RBFOX1: variants seen among roughly 807,000 people sequenced by gnomAD.
RBFOX1 encodes the protein RNA binding protein fox-1 homolog 1.
A neutral mutation model predicts 57.7 loss-of-function variants in RBFOX1; 8 were observed. That is an observed-to-expected ratio of 0.14 (90% CI 0.08 to 0.25). The LOEUF (loss-of-function observed/expected upper bound fraction) is 0.25. Ranked by LOEUF, RBFOX1 falls within the 10% of genes least tolerant of loss-of-function variation. The pLI, the probability that RBFOX1 is intolerant of heterozygous loss-of-function variation, is 1.00. For synonymous variants in RBFOX1, 326 were observed against 222.4 expected (o/e 1.47, Z -4.15); for missense variants, 611 against 548.5 (o/e 1.11, Z -1.14).
At chr16:7,356,041 C>G (rs1054424695) in intron 4 of RBFOX1, among the ~76,000 whole-genome samples, 1 of 152,326 alleles carries the variant, frequency 6.6e-6, no homozygotes, top group African/African-American at 2.4e-5. Flanking sequence ...CAAGCTCCAA[C>G]GAGTTCTCTC....
intron 2 of RBFOX1, among the ~76,000 whole-genome samples, chr16:6,598,407 A>G (rs1207171805): frequency 6.6e-6 from 1 of 152,224 alleles, no homozygotes. Context: ...ATTGGCCAGT[A>G]CAAAGTAAAA....
intron 1 of RBFOX1, among the ~76,000 whole-genome samples, chr16:6,158,227 T>A (rs7185450): frequency 6.6e-6 from 1 of 152,100 alleles, no homozygotes; most frequent in East Asian, 1.9e-4. Flanking sequence ...CGGCGGGGCC[T>A]TGGACTTGTC....
chr16:5,671,592 G>T (rs1276040682), intron 3 of RBFOX1, among the ~76,000 whole-genome samples: 2 of 152,144 alleles, frequency 1.3e-5, no homozygotes, highest in Non-Finnish European at 2.9e-5. Flanking sequence ...AGCATTTAGT[G>T]GTAATTATAA....
chr16:7,393,679 A>C (rs2098086355), intron 4 of RBFOX1, among the ~76,000 whole-genome samples: 1 of 152,090 alleles, frequency 6.6e-6, no homozygotes, highest in Non-Finnish European at 1.5e-5. Flanking sequence ...TCATTGTGCC[A>C]AGGATTATTT....
intron 4 of RBFOX1, among the ~76,000 whole-genome samples, chr16:7,084,603 A>C (rs1266476783): frequency 6.6e-6 from 1 of 152,160 alleles, no homozygotes; most frequent in Non-Finnish European, 1.5e-5. Context: ...TGAGAGGTAT[A>C]AAGGATTTCA....
At position 5,405,963 on chromosome 16, in the gene RBFOX1, G is replaced by A. The variant is rs144119591; in HGVS notation, c.220-61253G>A. 3.9e-5 allele frequency among the ~76,000 whole-genome samples: 6 copies of A among 152,280 alleles called. No homozygotes were observed. In the East Asian group the frequency reaches 1.2e-3, roughly 29 times the overall value. ...GGGAAGAGAGAACATCGGGGACAGG[G>A]AAGCATGTCTGGACTTGTCTCTCTC... On this transcript the variant is annotated intron_variant, in intron 1 of 2. Transcript: ENST00000585867.
At chr16:5,333,790 A>C (rs772535575) in intron 1 of RBFOX1, among the ~76,000 whole-genome samples, 1 of 152,200 alleles carries the variant, frequency 6.6e-6, no homozygotes, top group African/African-American at 2.4e-5. Flanking sequence ...ACAGCATGTT[A>C]TTTTACTGAA....
intron 3 of RBFOX1, among the ~76,000 whole-genome samples, chr16:6,887,909 G>A (rs141563947): frequency 0.016 from 2,417 of 152,098 alleles, 46 homozygotes; most frequent in African/African-American, 0.054. Context: ...TGATCCACCC[G>A]TCATGGCCTC....
At chr16:6,218,257 A>C (rs2097348881) in intron 1 of RBFOX1, among the ~76,000 whole-genome samples, 1 of 151,590 alleles carries the variant, frequency 6.6e-6, no homozygotes, top group Non-Finnish European at 1.5e-5. Context: ...CTAAGACTAT[A>C]AACAGGACTA....
intron 3 of RBFOX1, among the ~76,000 whole-genome samples, chr16:6,947,616 T>C (rs1322407840): frequency 1.3e-5 from 2 of 152,224 alleles, no homozygotes; most frequent in African/African-American, 4.8e-5. Flanking sequence ...GAAGGAAAAC[T>C]GTTCCTGGTT....
chr16:7,110,350 G>C (rs1208559487), intron 4 of RBFOX1, among the ~76,000 whole-genome samples: 1 of 151,908 alleles, frequency 6.6e-6, no homozygotes, highest in Non-Finnish European at 1.5e-5. Flanking sequence ...GACAGAGCAA[G>C]ATCCTGACTC....
At chr16:5,471,355 C>T (rs909321175) in intron 2 of RBFOX1, among the ~76,000 whole-genome samples, 40 of 152,248 alleles carry the variant, frequency 2.6e-4, no homozygotes, top group African/African-American at 9.1e-4. Context: ...TTTAACTGGC[C>T]TTGCATTTCT....
At chr16:5,346,584 G>A (rs2065144898) in intron 1 of RBFOX1, among the ~76,000 whole-genome samples, 1 of 152,196 alleles carries the variant, frequency 6.6e-6, no homozygotes, top group Non-Finnish European at 1.5e-5. Flanking sequence ...TCTTGGATTT[G>A]TCATTTGCTT....
chr16:6,702,099 A>G (rs2061943797), intron 3 of RBFOX1, among the ~76,000 whole-genome samples: 1 of 152,150 alleles, frequency 6.6e-6, no homozygotes, highest in African/African-American at 2.4e-5. Context: ...TCTAAAATAA[A>G]AGTTTAAAAA....
intron 1 of RBFOX1, among the ~76,000 whole-genome samples, chr16:6,199,433 G>A (rs926945746): frequency 6.6e-6 from 1 of 152,124 alleles, no homozygotes; most frequent in Non-Finnish European, 1.5e-5. Context: ...TGTGACTTCT[G>A]AGTTTAAATT....
chr16:5,945,171 G>A (rs563597693), intron 4 of RBFOX1, among the ~76,000 whole-genome samples: 8 of 152,164 alleles, frequency 5.3e-5, no homozygotes, highest in Non-Finnish European at 1.2e-4. Flanking sequence ...AGTCATTACA[G>A]AATTACTCAC....
At chr16:6,838,924 C>T (rs1300736102) in intron 3 of RBFOX1, among the ~76,000 whole-genome samples, 1 of 151,862 alleles carries the variant, frequency 6.6e-6, no homozygotes, top group Non-Finnish European at 1.5e-5. Context: ...CAAGACTGTG[C>T]ACTGGTTTTT....
At chr16:5,891,459 A>G (rs2058043073) in intron 4 of RBFOX1, among the ~76,000 whole-genome samples, 1 of 152,220 alleles carries the variant, frequency 6.6e-6, no homozygotes, top group Non-Finnish European at 1.5e-5. Context: ...CCATGGAAGC[A>G]TTGGAATTCA....
At chr16:6,383,436 G>C (rs1387237867) in intron 2 of RBFOX1, among the ~76,000 whole-genome samples, 1 of 152,056 alleles carries the variant, frequency 6.6e-6, no homozygotes, top group East Asian at 1.9e-4. Context: ...TCTTCCTTGG[G>C]TCAGGACAAG....
Sources: allele counts gnomAD v4.1 joint callset (sites outside exome capture counted in the v4.1 genomes callset), GRCh38; gene constraint gnomAD v4.1.1; transcripts MANE v1.5; gene names NCBI Gene and HGNC (gene_info 2026-07-23, HGNC 2026-07-21).